PITPNC1: variants seen among roughly 807,000 people sequenced by gnomAD.
PITPNC1 encodes the protein phosphatidylinositol transfer protein cytoplasmic 1.
In PITPNC1, 18 loss-of-function variants were observed where a neutral mutation model predicts 44.7. The observed-to-expected ratio is 0.40, with a 90% CI of 0.28 to 0.60. PITPNC1 has a LOEUF of 0.60. PITPNC1 is among the 20% of genes least tolerant of loss of function. The pLI is 0.39. For synonymous variants in PITPNC1, 141 were observed against 149.6 expected (o/e 0.94, Z 0.42); for missense variants, 290 against 418.4 (o/e 0.69, Z 2.68).
intron 5 of PITPNC1, among the ~76,000 whole-genome samples, chr17:67,591,962 C>T (rs1236142297): frequency 6.6e-6 from 1 of 151,864 alleles, no homozygotes; most frequent in African/African-American, 2.4e-5. Flanking sequence ...ATCCTCCCAC[C>T]CCAGCCTCCC....
intron 8 of PITPNC1, among the ~76,000 whole-genome samples, chr17:67,681,842 A>G (rs944095612): frequency 6.6e-5 from 10 of 152,150 alleles, no homozygotes; most frequent in African/African-American, 1.9e-4. Flanking sequence ...AAAATATACC[A>G]TAGAAATGAT....
chr17:67,500,376 C>T (rs1215111968), intron 1 of PITPNC1, among the ~76,000 whole-genome samples: 1 of 152,108 alleles, frequency 6.6e-6, no homozygotes. Context: ...AAACATCATA[C>T]CCAAGTGAAA....
In PITPNC1 at chr17:67,531,420, A is replaced by G. The variant is rs567677313; in HGVS notation, c.49-1382A>G. Among the ~76,000 whole-genome samples, 33 of 152,298 alleles carry G rather than the reference A, an allele frequency of 2.2e-4. 1 individual carries two copies. The South Asian group carries it at 6.4e-3, about 30-fold the overall frequency. On this transcript the variant is annotated intron_variant, in intron 1 of 8. Coordinates refer to ENST00000581322, the MANE Select transcript of PITPNC1 (RefSeq NM_012417.4). ...TTCTGGAGAGGGGCGTGGCACAGAT[A>G]GGAGACACAGTCCTTCGAGAAGACC... is the stretch of plus-strand genomic sequence containing the variant.
chr17:67,689,070 C>T (rs1406102266), intron 8 of PITPNC1, among the ~76,000 whole-genome samples: 3 of 152,090 alleles, frequency 2.0e-5, no homozygotes, highest in Non-Finnish European at 2.9e-5. Flanking sequence ...GGCGTGGTGG[C>T]GCATGCCTGT....
At chr17:67,455,586 G>C (rs1166489641) in intron 1 of PITPNC1, among the ~76,000 whole-genome samples, 2 of 147,526 alleles carry the variant, frequency 1.4e-5, no homozygotes, top group African/African-American at 5.3e-5. Flanking sequence ...TGCCCAGCTA[G>C]TTTTTTTTGT....
intron 1 of PITPNC1, among the ~76,000 whole-genome samples, chr17:67,411,242 C>T (rs2038492014): frequency 6.6e-6 from 1 of 151,988 alleles, no homozygotes; most frequent in South Asian, 2.1e-4. Flanking sequence ...TGATCTCATT[C>T]AATAGTATCA....
chr17:67,471,151 A>T, intron 1 of PITPNC1, among the ~76,000 whole-genome samples: 1 of 128,392 alleles, frequency 7.8e-6, no homozygotes, highest in East Asian at 2.1e-4. Context: ...CTATTGTCCC[A>T]TGACCCTGCC....
chr17:67,500,021 A>T (rs923952055), intron 1 of PITPNC1, among the ~76,000 whole-genome samples: 1 of 152,198 alleles, frequency 6.6e-6, no homozygotes, highest in Non-Finnish European at 1.5e-5. Context: ...AGAATTATCC[A>T]TCTTCTCCCC....
chr17:67,567,178 T>G (rs952408181), intron 4 of PITPNC1, among the ~76,000 whole-genome samples: 2 of 152,134 alleles, frequency 1.3e-5, no homozygotes, highest in Non-Finnish European at 2.9e-5. Context: ...ACCCAGAACC[T>G]CCCAGAGTTA....
intron 6 of PITPNC1, among the ~76,000 whole-genome samples, chr17:67,637,044 A>C (rs930413003): frequency 2.0e-5 from 3 of 152,184 alleles, no homozygotes; most frequent in Non-Finnish European, 4.4e-5. Context: ...CGTGGCTTCT[A>C]GATCATGCTA....
chr17:67,408,131 T>C (rs1352926874), intron 1 of PITPNC1, among the ~76,000 whole-genome samples: 1 of 151,488 alleles, frequency 6.6e-6, no homozygotes, highest in Non-Finnish European at 1.5e-5. Context: ...ATTTTTTGTA[T>C]TTTTAGTAGA....
At position 67,575,814 on chromosome 17, in the gene PITPNC1, CTTT is replaced by C. The variant is rs1373933241; in HGVS notation, c.295-2371_295-2369del. Among the ~76,000 whole-genome samples, 4 of 118,258 alleles carry C rather than the reference CTTT, an allele frequency of 3.4e-5. 1 individual carries two copies. Among genetic ancestry groups the C allele is most frequent in the African/African-American group, 9.1e-5 (3 of 32,850 alleles). 77.6% of individuals were successfully genotyped at this position (118,258 alleles called of 152,430 possible). On this transcript the variant is annotated intron_variant, in intron 4 of 8. Coordinates refer to ENST00000581322, the MANE Select transcript of PITPNC1 (RefSeq NM_012417.4). ...TCTTTCCTTCTTTCTTTCTTTCTTT[CTTT>C]CTTTCCTTCCTTCCTTCCTTCCTTC...
intron 1 of PITPNC1, among the ~76,000 whole-genome samples, chr17:67,418,482 T>C (rs1407737795): frequency 6.6e-6 from 1 of 152,140 alleles, no homozygotes; most frequent in Non-Finnish European, 1.5e-5. Context: ...TTTCTCCATG[T>C]TCTGTGAAAC....
intron 4 of PITPNC1, among the ~76,000 whole-genome samples, chr17:67,569,466 AGCTACAAGTAGCT>A (rs1262901662): frequency 6.6e-6 from 1 of 152,202 alleles, no homozygotes; most frequent in Non-Finnish European, 1.5e-5. Context: ...CACTTCCAAA[AGCTACAAGTAGCT>A]GCATTTAAAT....
At chr17:67,652,821 A>C (rs2042223883) in intron 6 of PITPNC1, among the ~76,000 whole-genome samples, 1 of 150,088 alleles carries the variant, frequency 6.7e-6, no homozygotes, top group Admixed American at 6.6e-5. Flanking sequence ...CCTTGTAAAA[A>C]CCTCTCTGAC....
intron 1 of PITPNC1, among the ~76,000 whole-genome samples, chr17:67,409,919 A>G (rs1256816929): frequency 6.6e-6 from 1 of 152,156 alleles, no homozygotes; most frequent in African/African-American, 2.4e-5. Flanking sequence ...TCTTTGTTCC[A>G]TACAGATTGG....
intron 1 of PITPNC1, among the ~76,000 whole-genome samples, chr17:67,409,612 C>T (rs1185958862): frequency 6.6e-6 from 1 of 151,792 alleles, no homozygotes; most frequent in Non-Finnish European, 1.5e-5. Flanking sequence ...GATCCCAACT[C>T]ACTGCAACCT....
At chr17:67,397,228 G>A (rs7217460) in intron 1 of PITPNC1, among the ~76,000 whole-genome samples, 39,538 of 151,986 alleles carry the variant, frequency 0.26, 5,427 homozygotes, top group Middle Eastern at 0.34. Context: ...TAATCCACCC[G>A]CCTCGGCCTC....
At chr17:67,492,232 T>G (rs1418439006) in intron 1 of PITPNC1, among the ~76,000 whole-genome samples, 3 of 152,152 alleles carry the variant, frequency 2.0e-5, no homozygotes, top group Admixed American at 2.0e-4. Context: ...TGATCTTATT[T>G]GGAAGGAGAC....
Sources: gnomAD v4.1 joint callset for allele counts (sites outside exome capture counted in the v4.1 genomes callset) on GRCh38, gnomAD v4.1.1 for gene constraint, MANE v1.5 for transcripts, NCBI Gene and HGNC (gene_info 2026-07-23, HGNC 2026-07-21) for gene names.